Variants in VPS4A observed in about 807,000 individuals in gnomAD.
VPS4A encodes the protein vacuolar protein sorting-associated protein 4A.
In VPS4A, 20 loss-of-function variants were observed where a neutral mutation model predicts 52.3. The observed-to-expected ratio is 0.38, with a 90% CI of 0.27 to 0.56. VPS4A has a LOEUF of 0.56. Ranked by LOEUF, VPS4A falls within the 20% of genes least tolerant of loss-of-function variation. The probability of loss-of-function intolerance (pLI) is 0.72; values close to 1 mark genes in which losing one functional copy is unlikely to be tolerated. For synonymous variants in VPS4A, 293 were observed against 227.7 expected, an observed-to-expected ratio of 1.29 and a Z score of -2.58; for missense variants, 419 against 575.9, an observed-to-expected ratio of 0.73 and a Z score of 2.79.
At chr16:69,313,826 T>G (rs1210913181) in intron 1 of VPS4A, among the ~76,000 whole-genome samples, 2 of 152,088 alleles carry the variant, frequency 1.3e-5, no homozygotes, top group Non-Finnish European at 2.9e-5. Context: ...ACTCTTTTCT[T>G]TCATCCTCAT....
chr16:69,320,519 C>T lies in VPS4A; in HGVS notation c.770-169C>T. The T allele has an allele frequency of 2.5e-6, 2 of 806,734 alleles. No individual in the cohort carries two copies. The highest frequency in any genetic ancestry group is 1.7e-5 in the African/African-American group (1 of 57,652). 50.0% of individuals were successfully genotyped at this position (806,734 alleles called of 1,614,324 possible). ...AGGCAGTGCCATAGGTCTCACCTGG[C>T]ACAGCCAGACCAAGATGTGGTTTAA... On this transcript the variant is annotated intron_variant, in intron 7 of 10. Coordinates refer to ENST00000254950, the MANE Select transcript of VPS4A (RefSeq NM_013245.3). The surrounding 1 kb of genome is among the most constrained non-coding windows in gnomAD (Gnocchi z 4.2).
At position 69,326,566 on chromosome 16, in the gene VPS4A, T is replaced by C. The variant is rs1464591283; in HGVS notation, c.*2257T>C. ...TTAGCATGGCTATGGTCCATCCCTG[T>C]GCTCTAGTTAGAGCGTGAAGACACC... On this transcript the variant is annotated 3_prime_UTR_variant, in exon 11 of 11. Coordinates refer to ENST00000254950, the MANE Select transcript of VPS4A (RefSeq NM_013245.3). The C allele has an allele frequency of 6.6e-6, 1 of 152,274 alleles. No individual in the cohort carries two copies. The highest frequency in any genetic ancestry group is 1.5e-5 in the Non-Finnish European group (1 of 68,058). 9.4% of individuals were successfully genotyped at this position (152,274 alleles called of 1,614,324 possible).
rs370208033 is a variant in VPS4A at position 69,316,416 on chromosome 16, C to G, written c.281+44C>G. 2.5e-6 allele frequency: 4 copies of G among 1,604,534 alleles called. No homozygotes were observed. In the East Asian group the frequency reaches 8.9e-5, roughly 36 times the overall value. On this transcript the variant is annotated intron_variant, in intron 3 of 10. Transcript: ENST00000254950. ...CGCCCAGGAACCTGGGCCCTCCTCA[C>G]GGCTCCCTATCATTCCTGGCGCTCA...
chr16:69,323,744 G>A, intron 10 of VPS4A: 1 of 443,278 alleles, frequency 2.3e-6, no homozygotes, highest in South Asian at 1.6e-5. Context: ...GAGGTCAGGA[G>A]TTCAAGAGCA....
At chr16:69,317,521 C>T (rs1003718207) in intron 3 of VPS4A, among the ~76,000 whole-genome samples, 3 of 151,886 alleles carry the variant, frequency 2.0e-5, no homozygotes, top group South Asian at 4.2e-4. Context: ...AGGCCGGGCG[C>T]GGTGGCTCAC....
rs1284826669 is a variant in VPS4A at position 69,324,629 on chromosome 16, TTA to T, written c.*323_*324del. The T allele has an allele frequency of 2.4e-5, 7 of 293,920 alleles. No homozygotes were observed. The highest frequency in any genetic ancestry group is 1.5e-4 in the African/African-American group (7 of 47,000). 18.2% of individuals were successfully genotyped at this position (293,920 alleles called of 1,614,324 possible). On this transcript the variant is annotated 3_prime_UTR_variant, in exon 11 of 11. Coordinates refer to ENST00000254950, the MANE Select transcript of VPS4A (RefSeq NM_013245.3). ...AATGCTGCTTGGATTTTCATCTTAT[TTA>T]TAAAGATAAAATCACCTGGAAGTGT...
intron 6 of VPS4A, among the ~76,000 whole-genome samples, chr16:69,319,871 C>T (rs1442320228): frequency 6.6e-6 from 1 of 152,144 alleles, no homozygotes; most frequent in African/African-American, 2.4e-5. Flanking sequence ...ATGAGACGGG[C>T]TCGGAAGAAG....
At chr16:69,322,798 G>A (rs1965530421) in intron 10 of VPS4A, 98 bp downstream of exon 10, 1 of 1,460,500 alleles carries the variant, frequency 6.8e-7, no homozygotes, top group African/African-American at 1.4e-5. Context: ...GGCCAGGCAT[G>A]GTAGCTCACG....
rs1245160237 is a variant in VPS4A at position 69,320,144 on chromosome 16, G to A, written c.624G>A (p.Leu208=). 3 of 1,612,722 alleles carry A rather than the reference G, an allele frequency of 1.9e-6. No individual in the cohort carries two copies. The highest frequency in any genetic ancestry group is 2.5e-6 in the Non-Finnish European group (3 of 1,179,080). The change falls in exon 7 of 11, where the codon CTG becomes CTA. Residue 208 remains leucine, a synonymous_variant. Transcript: ENST00000254950. The surrounding 1 kb of genome is among the most constrained non-coding windows in gnomAD (Gnocchi z 4.2). ...MSKWLGESEK[L]VKNLFELARQ... Reference sequence around the variant, plus strand: ...ACCCCCTTTCTCACCTTCACAGGCTGGTCAAGAACCTGTTTGAGCTGGCCA... The same window carrying A: ...ACCCCCTTTCTCACCTTCACAGGCTAGTCAAGAACCTGTTTGAGCTGGCCA...
intron 3 of VPS4A, among the ~76,000 whole-genome samples, chr16:69,318,343 G>A (rs1281349759): frequency 6.6e-6 from 1 of 152,230 alleles, no homozygotes; most frequent in African/African-American, 2.4e-5. Context: ...GGCCTGGGCT[G>A]CTCTTTAAGT....
intron 1 of VPS4A, among the ~76,000 whole-genome samples, chr16:69,312,832 C>T (rs985494145): frequency 9.2e-5 from 14 of 151,944 alleles, no homozygotes; most frequent in African/African-American, 3.1e-4. Flanking sequence ...AGGCTGGTCT[C>T]GAACTCCCGA....
At position 69,320,133 on chromosome 16, in the gene VPS4A, C is replaced by T. The variant is rs1965492808; in HGVS notation, c.621-8C>T. On this transcript the variant is annotated splice_region_variant and splice_polypyrimidine_tract_variant and intron_variant, in intron 6 of 10. Transcript: ENST00000254950. This position sits in a 1 kb window ranked among gnomAD's most constrained non-coding sequence, Gnocchi z 4.2. The stretch of plus-strand genomic sequence containing the variant: ...GTCTTGTCCTCACCCCCTTTCTCAC[C>T]TTCACAGGCTGGTCAAGAACCTGTT... 3 of 1,611,310 alleles carry T rather than the reference C, an allele frequency of 1.9e-6. No individual in the cohort carries two copies. Among genetic ancestry groups the T allele is most frequent in the Non-Finnish European group, 8.5e-7 (1 of 1,177,932 alleles).
intron 9 of VPS4A, chr16:69,322,176 GA>G (rs1965521558): frequency 6.0e-6 from 1 of 167,786 alleles, no homozygotes; most frequent in Non-Finnish European, 1.3e-5. Context: ...AATAGCACGG[GA>G]AAGACCAGCC....
Position 69,324,954 on chromosome 16 carries a change from CCT to C in VPS4A, c.*648_*649del, listed in dbSNP as rs1965568481. 6.5e-6 allele frequency: 1 copy of C among 153,114 alleles called. No homozygotes were observed. Among genetic ancestry groups the C allele is most frequent in the Non-Finnish European group, 1.5e-5 (1 of 68,666 alleles). The allele number at this position is 153,114 out of a possible 1,614,324, so 9.5% of individuals were successfully genotyped here. On this transcript the variant is annotated 3_prime_UTR_variant, in exon 11 of 11. Coordinates refer to ENST00000254950, the MANE Select transcript of VPS4A (RefSeq NM_013245.3). ...CGGGTGTTCACCACTGCCTTTTCTT[CCT>C]CTGAGCGTGAGAACACTGAACCCAG...
rs1287002710 is a variant in VPS4A at position 69,318,572 on chromosome 16, C to T, written c.282-78C>T. On this transcript the variant is annotated intron_variant, in intron 3 of 10. Transcript: ENST00000254950. ...CGTTCCTTAACCAGTGTGCAGGCAG[C>T]GGAGCCTGGACTTGCTGGGAGCACC... 1.7e-5 allele frequency: 25 copies of T among 1,490,594 alleles called. No homozygotes were observed. In the Admixed American group the frequency reaches 2.0e-4, roughly 12 times the overall value. 92.3% of individuals were successfully genotyped at this position (1,490,594 alleles called of 1,614,324 possible).
chr16:69,318,759 C>G, intron 4 of VPS4A, 48 bp downstream of exon 4: 1 of 1,613,104 alleles, frequency 6.2e-7, no homozygotes, highest in South Asian at 1.1e-5. Context: ...GAGAGTGGGT[C>G]CGCTGCTGGG....
chr16:69,322,561 T>C lies in VPS4A; in HGVS notation c.1073T>C (p.Val358Ala), dbSNP rs758206091. The C allele has an allele frequency of 2.5e-5, 41 of 1,611,948 alleles. No homozygotes were observed. The highest frequency in any genetic ancestry group is 3.4e-5 in the Non-Finnish European group (40 of 1,178,964). ...KVQSATHFKK[V>A]CGPSRTNPSM... Reference sequence around the variant, plus strand: ...CCAGTCAGATCCATTTGGTTTCAGGTCTGTGGCCCCTCTCGCACCAACCCC... The same window carrying C: ...CCAGTCAGATCCATTTGGTTTCAGGCCTGTGGCCCCTCTCGCACCAACCCC... The change falls in exon 10 of 11, where the codon GTC becomes GCC. Residue 358 changes from valine to alanine, a missense_variant and splice_region_variant. Val to Ala is a moderately conservative substitution (Grantham distance 64). Around this residue, in one of 3 missense-constraint regions of VPS4A, gnomAD observed 185 missense variants for 200.2 expected, o/e 0.92. Transcript: ENST00000254950.
Position 69,326,288 on chromosome 16 carries a change from A to G in VPS4A, c.*1979A>G, listed in dbSNP as rs1965593706. 6.6e-6 allele frequency: 1 copy of G among 152,146 alleles called. No individual in the cohort carries two copies. The highest frequency in any genetic ancestry group is 1.5e-5 in the Non-Finnish European group (1 of 68,044). The allele number at this position is 152,146 out of a possible 1,614,324, so 9.4% of individuals were successfully genotyped here. On this transcript the variant is annotated 3_prime_UTR_variant, in exon 11 of 11. Coordinates refer to ENST00000254950, the MANE Select transcript of VPS4A (RefSeq NM_013245.3). ...AGCTAACTTTGGATCAGTAGCTCCAACACTTGGCTCCAGTGCTGGCAGGTT... is the reference window on the plus strand; with the variant it reads ...AGCTAACTTTGGATCAGTAGCTCCAGCACTTGGCTCCAGTGCTGGCAGGTT...
rs769005950 is a variant in VPS4A at position 69,322,584 on chromosome 16, C to A, written c.1096C>A (p.Pro366Thr). Residue 366 changes from proline to threonine, a missense_variant, in exon 10 of 11, where the codon CCC becomes ACC. Pro to Thr is a conservative substitution (Grantham distance 38). Transcript: ENST00000254950. ...KKVCGPSRTN[P>T]SMMIDDLLTP... ...GGTCTGTGGCCCCTCTCGCACCAAC[C>A]CCAGCATGATGATTGATGACCTCCT... 6.2e-7 allele frequency: 1 copy of A among 1,613,656 alleles called. No individual in the cohort carries two copies. The highest frequency in any genetic ancestry group is 8.5e-7 in the Non-Finnish European group (1 of 1,179,738).
Sources: allele counts gnomAD v4.1 joint callset (sites outside exome capture counted in the v4.1 genomes callset), GRCh38; gene constraint gnomAD v4.1.1; regional missense constraint gnomAD v4.1.1; non-coding constraint Gnocchi (gnomAD v3.1); transcripts MANE v1.5; gene names NCBI Gene and HGNC (gene_info 2026-07-23, HGNC 2026-07-21).